Variants in RAB38 observed in about 807,000 individuals in gnomAD.
RAB38 encodes RAB38, member RAS oncogene family, also known as ras-related protein Rab-38.
Under a neutral mutation model 18.4 loss-of-function variants are expected in RAB38, and 15 were observed. The ratio of observed to expected loss-of-function variants is 0.82; its 90% confidence interval spans 0.55 to 1.26. The LOEUF (loss-of-function observed/expected upper bound fraction) is 1.26. RAB38 is among the 50% of genes most tolerant of loss of function. RAB38 has a pLI of 0.00. For missense variants in RAB38, 294 were observed against 267.4 expected (o/e 1.10, Z -0.69); for synonymous variants, 101 against 104.4 (o/e 0.97, Z 0.20).
At chr11:87,946,496 C>CCTCATTTAG in the RAB38 span, among the ~76,000 whole-genome samples, 1 of 152,058 alleles carries the variant, frequency 6.6e-6, no homozygotes, top group African/African-American at 2.4e-5. Flanking sequence ...CCCATTAACT[C>CCTCATTTAG]CTCATTTAGC....
At chr11:87,922,544 C>G in the RAB38 span, among the ~76,000 whole-genome samples, 5 of 148,852 alleles carry the variant, frequency 3.4e-5, no homozygotes, top group African/African-American at 1.3e-4. Flanking sequence ...TCAAATTTTC[C>G]AAGCCTCATT....
chr11:88,138,997 G>A (rs1942871679), intron 2 of RAB38, among the ~76,000 whole-genome samples: 2 of 151,904 alleles, frequency 1.3e-5, no homozygotes, highest in Admixed American at 1.3e-4. Flanking sequence ...TGTTAGCCAG[G>A]ATGGTCTCGA....
the RAB38 span, among the ~76,000 whole-genome samples, chr11:88,090,705 G>C: frequency 6.6e-6 from 1 of 151,944 alleles, no homozygotes; most frequent in African/African-American, 2.4e-5. Flanking sequence ...AGCTCTGGAG[G>C]AAATGTCAGT....
chr11:88,082,705 C>G, the RAB38 span, among the ~76,000 whole-genome samples: 1 of 151,864 alleles, frequency 6.6e-6, no homozygotes. Context: ...TCTCACTTCT[C>G]AATAACTTCA....
At chr11:88,012,205 A>C in the RAB38 span, among the ~76,000 whole-genome samples, 2 of 152,192 alleles carry the variant, frequency 1.3e-5, no homozygotes, top group African/African-American at 4.8e-5. Flanking sequence ...TGATTAATGA[A>C]GCTGACGATC....
At chr11:87,971,388 G>A in the RAB38 span, among the ~76,000 whole-genome samples, 8 of 152,236 alleles carry the variant, frequency 5.3e-5, no homozygotes, top group East Asian at 1.5e-3. Flanking sequence ...AAAGACAAGA[G>A]AGAGCCCTGC....
At chr11:88,057,446 T>C in the RAB38 span, among the ~76,000 whole-genome samples, 9 of 151,686 alleles carry the variant, frequency 5.9e-5, no homozygotes, top group Admixed American at 1.3e-4. Flanking sequence ...TCCTGGGCCT[T>C]ACTTTCATTA....
the RAB38 span, among the ~76,000 whole-genome samples, chr11:87,922,311 G>A: frequency 6.6e-6 from 1 of 151,900 alleles, no homozygotes; most frequent in Non-Finnish European, 1.5e-5. Context: ...TATTATTTCT[G>A]GACCATCTTT....
At chr11:87,878,068 T>C in the RAB38 span, among the ~76,000 whole-genome samples, 2 of 150,596 alleles carry the variant, frequency 1.3e-5, no homozygotes, top group African/African-American at 4.9e-5. Context: ...TTAAATTATC[T>C]ACAGTCTTAC....
chr11:88,026,518 G>T, the RAB38 span, among the ~76,000 whole-genome samples: 1 of 133,408 alleles, frequency 7.5e-6, no homozygotes, highest in African/African-American at 2.9e-5. Flanking sequence ...AGCCAAGATC[G>T]CTCCACTGCA....
the RAB38 span, among the ~76,000 whole-genome samples, chr11:88,076,984 G>GAAAGAAAGA: frequency 3.1e-5 from 2 of 63,694 alleles, no homozygotes; most frequent in African/African-American, 1.5e-4. Context: ...AAGAAAGAAA[G>GAAAGAAAGA]AAAGAAAAGA....
the RAB38 span, among the ~76,000 whole-genome samples, chr11:87,906,197 C>T: frequency 2.0e-5 from 3 of 151,884 alleles, no homozygotes; most frequent in African/African-American, 7.2e-5. Context: ...ATCAGGAGTC[C>T]TCTCCCACCC....
At chr11:87,828,582 C>T in the RAB38 span, among the ~76,000 whole-genome samples, 2 of 152,118 alleles carry the variant, frequency 1.3e-5, no homozygotes, top group Non-Finnish European at 2.9e-5. Flanking sequence ...AGTAAGGATG[C>T]TAGGGAAGGT....
the RAB38 span, among the ~76,000 whole-genome samples, chr11:87,900,675 G>GGAAA: frequency 6.9e-6 from 1 of 144,422 alleles, no homozygotes; most frequent in Non-Finnish European, 1.5e-5. Flanking sequence ...AAGGAAGGAA[G>GGAAA]GAAGGAAGGA....
the RAB38 span, among the ~76,000 whole-genome samples, chr11:87,933,292 T>G: frequency 6.6e-6 from 1 of 152,112 alleles, no homozygotes; most frequent in African/African-American, 2.4e-5. Flanking sequence ...CCATTCCTTT[T>G]TGTAGCACTG....
chr11:88,128,776 A>C (rs1942734575), intron 2 of RAB38, among the ~76,000 whole-genome samples: 1 of 152,208 alleles, frequency 6.6e-6, no homozygotes, highest in African/African-American at 2.4e-5. Context: ...CATACTCAAG[A>C]CTAGAACAAT....
At chr11:87,901,777 A>G in the RAB38 span, among the ~76,000 whole-genome samples, 1 of 151,638 alleles carries the variant, frequency 6.6e-6, no homozygotes, top group Non-Finnish European at 1.5e-5. Context: ...AAGGGCTTTG[A>G]GAGCATTAAT....
chr11:87,819,736 G>GTA, the RAB38 span, among the ~76,000 whole-genome samples: 1 of 122,556 alleles, frequency 8.2e-6, no homozygotes, highest in African/African-American at 3.5e-5. Flanking sequence ...ATATATATGT[G>GTA]TATATATATA....
chr11:87,961,007 G>C, the RAB38 span, among the ~76,000 whole-genome samples: 45 of 152,300 alleles, frequency 3.0e-4, no homozygotes, highest in African/African-American at 1.1e-3. Context: ...ATATTGAAGG[G>C]AAGTAAAAGG....
Sources: gnomAD v4.1 joint callset for allele counts (sites outside exome capture counted in the v4.1 genomes callset) on GRCh38, gnomAD v4.1.1 for gene constraint, MANE v1.5 for transcripts, NCBI Gene and HGNC (gene_info 2026-07-23, HGNC 2026-07-21) for gene names.